Variants in PLCXD3 observed in about 807,000 individuals in gnomAD.
The protein encoded by PLCXD3 is PI-PLC X domain-containing protein 3.
A neutral mutation model predicts 25.5 loss-of-function variants in PLCXD3; 19 were observed. The ratio of observed to expected loss-of-function variants is 0.75; its 90% confidence interval spans 0.52 to 1.09. PLCXD3 has a LOEUF of 1.09. Ranked by LOEUF, PLCXD3 falls within the 50% of genes least tolerant of loss-of-function variation. The pLI is 0.00. For synonymous variants in PLCXD3, 174 were observed against 137.6 expected (o/e 1.26, Z -1.85); for missense variants, 411 against 388.1 (o/e 1.06, Z -0.50).
chr5:41,471,808 C>CCCTTCCCTTCCCTTCCCT (rs1561283143), intron 1 of PLCXD3, among the ~76,000 whole-genome samples: 5 of 30,738 alleles, frequency 1.6e-4, no homozygotes, highest in Admixed American at 8.9e-4. Flanking sequence ...TTCCCTTCCC[C>CCCTTCCCTTCCCTTCCCT]TCCCCTCCCG....
Position 41,379,303 on chromosome 5 carries a change from A to C in PLCXD3, c.812+2523T>G, listed in dbSNP as rs575091990. ...ATGTACACAACTCCCTCACTTTCTA[A>C]GTTTGTGAGAAAGGGGGTAAATTGT... On this transcript the variant is annotated intron_variant, in intron 2 of 2. Transcript: ENST00000377801. 2.6e-5 allele frequency among the ~76,000 whole-genome samples: 4 copies of C among 152,206 alleles called. No individual in the cohort carries two copies. The East Asian group carries it at 7.7e-4, about 29-fold the overall frequency.
chr5:41,457,321 C>T (rs924103943), intron 1 of PLCXD3, among the ~76,000 whole-genome samples: 8 of 151,760 alleles, frequency 5.3e-5, no homozygotes, highest in African/African-American at 1.9e-4. Context: ...TGATAGTAGC[C>T]TACTAATAAT....
intron 2 of PLCXD3, among the ~76,000 whole-genome samples, chr5:41,349,560 T>C (rs1744394133): frequency 6.6e-6 from 1 of 152,326 alleles, no homozygotes; most frequent in Admixed American, 6.5e-5. Context: ...TCCCACTTCA[T>C]GCAGGATGTG....
chr5:41,495,288 T>C (rs1019771985), intron 1 of PLCXD3, among the ~76,000 whole-genome samples: 13 of 152,320 alleles, frequency 8.5e-5, no homozygotes, highest in African/African-American at 3.1e-4. Context: ...AGAAGAGAGC[T>C]AATGAGACCC....
chr5:41,484,813 G>A (rs1423391811), intron 1 of PLCXD3, among the ~76,000 whole-genome samples: 1 of 152,094 alleles, frequency 6.6e-6, no homozygotes, highest in East Asian at 1.9e-4. Context: ...TAATCCAATA[G>A]CCTTGGAAAT....
chr5:41,431,497 T>C (rs1233074585), intron 1 of PLCXD3, among the ~76,000 whole-genome samples: 1 of 152,186 alleles, frequency 6.6e-6, no homozygotes, highest in Non-Finnish European at 1.5e-5. Context: ...TACATTTTCA[T>C]GCCAAAGTGG....
intron 1 of PLCXD3, among the ~76,000 whole-genome samples, chr5:41,476,394 T>C (rs1368097073): frequency 6.6e-6 from 1 of 152,190 alleles, no homozygotes; most frequent in East Asian, 1.9e-4. Context: ...AATAATATGG[T>C]TTATGATGAA....
intron 1 of PLCXD3, among the ~76,000 whole-genome samples, chr5:41,508,446 T>C (rs765459844): frequency 7.9e-5 from 12 of 152,224 alleles, no homozygotes; most frequent in Non-Finnish European, 1.3e-4. Context: ...CCTGAACTGA[T>C]AGGGATAAAT....
Position 41,375,711 on chromosome 5 carries a change from A to G in PLCXD3, c.812+6115T>C, listed in dbSNP as rs190366608. Among the ~76,000 whole-genome samples the G allele has an allele frequency of 4.6e-5, 7 of 152,196 alleles. No homozygotes were observed. The East Asian group carries it at 1.2e-3, about 25-fold the overall frequency. On this transcript the variant is annotated intron_variant, in intron 2 of 2. Transcript: ENST00000377801. ...TTCTCTTAGCTTTGCCCACTCTGTC[A>G]CCAGCATAATTTACTTTCCTAAACC...
intron 1 of PLCXD3, among the ~76,000 whole-genome samples, chr5:41,509,046 C>A: frequency 6.6e-6 from 1 of 152,180 alleles, no homozygotes; most frequent in South Asian, 2.1e-4. Context: ...CCTGTGCCTG[C>A]CATTGCTGCC....
At chr5:41,321,694 A>G (rs532271164) in intron 2 of PLCXD3, among the ~76,000 whole-genome samples, 1 of 152,336 alleles carries the variant, frequency 6.6e-6, no homozygotes, top group South Asian at 2.1e-4. Context: ...AGAAATACTA[A>G]CTAACACAGC....
intron 1 of PLCXD3, among the ~76,000 whole-genome samples, chr5:41,469,066 C>T (rs1748091470): frequency 6.6e-6 from 1 of 152,178 alleles, no homozygotes. Context: ...AGCTAATCTG[C>T]TGAGAGGTTT....
intron 1 of PLCXD3, among the ~76,000 whole-genome samples, chr5:41,480,558 C>G (rs1174753818): frequency 6.6e-6 from 1 of 151,564 alleles, no homozygotes; most frequent in Non-Finnish European, 1.5e-5. Context: ...TGTGGAAATT[C>G]AGTACTGTTT....
chr5:41,477,051 A>G (rs1317006810), intron 1 of PLCXD3, among the ~76,000 whole-genome samples: 1 of 152,182 alleles, frequency 6.6e-6, no homozygotes, highest in East Asian at 1.9e-4. Flanking sequence ...ATATGTAAAT[A>G]TAAATTGTTT....
chr5:41,434,011 G>A (rs1027773512), intron 1 of PLCXD3, among the ~76,000 whole-genome samples: 4 of 152,162 alleles, frequency 2.6e-5, no homozygotes, highest in African/African-American at 9.7e-5. Context: ...AGCAGGGATG[G>A]CCCAGGCATT....
At chr5:41,488,780 G>T (rs1268642382) in intron 1 of PLCXD3, among the ~76,000 whole-genome samples, 101 of 146,894 alleles carry the variant, frequency 6.9e-4, no homozygotes, top group Non-Finnish European at 1.3e-3. Flanking sequence ...GGGGTTGTTT[G>T]TTTTTTTCTT....
Position 41,444,204 on chromosome 5 carries a change from A to G in PLCXD3, c.104-61670T>C, listed in dbSNP as rs1265685425. ...TTTAAATATGATGTTACCTAGTCTTACCCTGGGTGTCTCCCACAGATTAGG... is the reference window on the plus strand; with the variant it reads ...TTTAAATATGATGTTACCTAGTCTTGCCCTGGGTGTCTCCCACAGATTAGG... On this transcript the variant is annotated intron_variant, in intron 1 of 2. Transcript: ENST00000377801. 3.5e-4 allele frequency among the ~76,000 whole-genome samples: 53 copies of G among 152,076 alleles called. 1 individual carries two copies. Among genetic ancestry groups the G allele is most frequent in the Admixed American group, 3.5e-3 (53 of 15,280 alleles).
rs1320304635 is a variant in PLCXD3, at chr5:41,311,994, ATAAT to A, written c.*1619_*1622del. 6.5e-5 allele frequency: 10 copies of A among 152,746 alleles called. No individual in the cohort carries two copies. Among genetic ancestry groups the A allele is most frequent in the Admixed American group, 1.3e-4 (2 of 15,284 alleles). 9.5% of individuals were successfully genotyped at this position (152,746 alleles called of 1,614,324 possible). A position where few individuals can be genotyped will look rare whatever the true frequency, so the allele number is the denominator to read the frequency against. On this transcript the variant is annotated 3_prime_UTR_variant, in exon 3 of 3. Transcript: ENST00000377801. ...GATTATTTCTAAACATGAAAATAAA[ATAAT>A]TAATAATTGTAAGAATTTCATCAAA...
At chr5:41,469,131 G>A (rs999921336) in intron 1 of PLCXD3, among the ~76,000 whole-genome samples, 11 of 152,148 alleles carry the variant, frequency 7.2e-5, no homozygotes, top group African/African-American at 2.7e-4. Context: ...CTACTGAGAT[G>A]ATCATAGGAT....
Sources: gnomAD v4.1 joint callset for allele counts (sites outside exome capture counted in the v4.1 genomes callset) on GRCh38, gnomAD v4.1.1 for gene constraint, MANE v1.5 for transcripts, NCBI Gene and HGNC (gene_info 2026-07-23, HGNC 2026-07-21) for gene names.